USP34: variants seen among roughly 807,000 people sequenced by gnomAD.
USP34 encodes the protein ubiquitin specific peptidase 34.
A neutral mutation model predicts 460.3 loss-of-function variants in USP34; 70 were observed. The ratio of observed to expected loss-of-function variants is 0.15; its 90% CI spans 0.13 to 0.19. USP34 has a LOEUF of 0.19. USP34 is among the 10% of genes least tolerant of loss of function. The pLI is 1.00. For synonymous variants in USP34, 1,647 were observed against 1,405.3 expected, an observed-to-expected ratio of 1.17 and a Z score of -3.85; for missense variants, 3,985 against 4,236.2, an observed-to-expected ratio of 0.94 and a Z score of 1.65.
chr2:61,285,527 A>G (rs1229485600), intron 34 of USP34, among the ~76,000 whole-genome samples: 2 of 151,826 alleles, frequency 1.3e-5, no homozygotes, highest in African/African-American at 2.4e-5. Context: ...AAGAAAAAGA[A>G]AAGAAATTAC....
At chr2:61,323,871 C>T (rs146340785) in intron 21 of USP34, among the ~76,000 whole-genome samples, 138 of 152,150 alleles carry the variant, frequency 9.1e-4, no homozygotes, top group South Asian at 4.6e-3. Context: ...CGTAATAACA[C>T]GAAAGAGAAA....
chr2:61,390,187 C>T (rs1693299002), intron 5 of USP34, among the ~76,000 whole-genome samples: 1 of 152,194 alleles, frequency 6.6e-6, no homozygotes, highest in African/African-American at 2.4e-5. Context: ...TCCTCATTTG[C>T]ACTTCTTTCT....
At chr2:61,199,741 A>T (rs543402783) in intron 75 of USP34, among the ~76,000 whole-genome samples, 1 of 152,152 alleles carries the variant, frequency 6.6e-6, no homozygotes, top group Non-Finnish European at 1.5e-5. Flanking sequence ...TGTTGAGGCT[A>T]TTTACCCACT....
chr2:61,212,849 A>T (rs900125951), intron 68 of USP34, among the ~76,000 whole-genome samples: 4 of 152,220 alleles, frequency 2.6e-5, no homozygotes, highest in Non-Finnish European at 4.4e-5. Flanking sequence ...TGGACATCAC[A>T]TCTAGTAACT....
intron 62 of USP34, among the ~76,000 whole-genome samples, chr2:61,226,153 C>A (rs1043050809): frequency 2.0e-5 from 3 of 152,062 alleles, no homozygotes; most frequent in Non-Finnish European, 2.9e-5. Context: ...AGCAAAATCA[C>A]GAACAAAACA....
chr2:61,313,521 T>G (rs1470676871), intron 25 of USP34, among the ~76,000 whole-genome samples: 13 of 152,166 alleles, frequency 8.5e-5, no homozygotes, highest in Non-Finnish European at 1.9e-4. Flanking sequence ...TATAGCAGAC[T>G]TTCATTTTCT....
chr2:61,265,916 C>T (rs1284434723), intron 42 of USP34, 68 bp downstream of exon 42: 1 of 1,385,250 alleles, frequency 7.2e-7, no homozygotes, highest in Non-Finnish European at 9.7e-7. Context: ...TTTTGTTAAA[C>T]AGTGCCCTCA....
At chr2:61,330,593 C>T (rs1691230471) in intron 20 of USP34, among the ~76,000 whole-genome samples, 2 of 152,266 alleles carry the variant, frequency 1.3e-5, no homozygotes, top group Admixed American at 6.5e-5. Context: ...TCCTCCTCTT[C>T]TTCATTAATA....
At chr2:61,230,645 C>T (rs1019394522) in intron 58 of USP34, among the ~76,000 whole-genome samples, 15 of 152,026 alleles carry the variant, frequency 9.9e-5, no homozygotes, top group Non-Finnish European at 2.1e-4. Context: ...GAGTTTGAGA[C>T]CAGCCTGGCC....
Position 61,317,781 on chromosome 2 carries a change from G to C in USP34, c.3169-14C>G. 1 of 1,596,634 alleles carries C rather than the reference G, an allele frequency of 6.3e-7. No individual in the cohort carries two copies. Among genetic ancestry groups the C allele is most frequent in the Non-Finnish European group, 8.6e-7 (1 of 1,166,554 alleles). ...TAGCTGGGGCATCTTTGGAAGGGTAGGGGGAAACACAAAGCTAATTTAGTG... is the reference window on the plus strand; with the variant it reads ...TAGCTGGGGCATCTTTGGAAGGGTACGGGGAAACACAAAGCTAATTTAGTG... On this transcript the variant is annotated splice_polypyrimidine_tract_variant and intron_variant, in intron 22 of 79. Coordinates refer to ENST00000398571, the MANE Select transcript of USP34 (RefSeq NM_014709.4).
chr2:61,266,546 T>G (rs1689052230), intron 41 of USP34, among the ~76,000 whole-genome samples: 1 of 152,184 alleles, frequency 6.6e-6, no homozygotes, highest in African/African-American at 2.4e-5. Flanking sequence ...ATAGCAACAA[T>G]AACAGTGGCA....
rs1428465314 is a variant in USP34 at position 61,290,451 on chromosome 2, G to A, written c.4549-1574C>T. ...AAGCCACTCAAATGTCAATAGGTGA[G>A]CAGATAAATGAACCGTGGTATACCT... On this transcript the variant is annotated intron_variant, in intron 33 of 79. Transcript: ENST00000398571. Among the ~76,000 whole-genome samples the A allele has an allele frequency of 3.3e-5, 5 of 152,166 alleles. No homozygotes were observed. The East Asian group carries it at 9.6e-4, about 29-fold the overall frequency.
intron 43 of USP34, 85 bp from the exon 44 acceptor site, chr2:61,259,861 A>ACACTG: frequency 8.2e-7 from 1 of 1,220,162 alleles, no homozygotes; most frequent in Non-Finnish European, 1.2e-6. Context: ...CTTGCAATGT[A>ACACTG]CACTGTATCT....
Position 61,236,348 on chromosome 2 carries a change from G to A in USP34, c.6819C>T (p.Asn2273=), listed in dbSNP as rs1418589560. 5 of 1,604,812 alleles carry A rather than the reference G, an allele frequency of 3.1e-6. No individual in the cohort carries two copies. The highest frequency in any genetic ancestry group is 4.2e-6 in the Non-Finnish European group (5 of 1,176,478). Residue 2273 remains asparagine, a synonymous_variant, in exon 54 of 80, where the codon AAC becomes AAT. Coordinates refer to ENST00000398571, the MANE Select transcript of USP34 (RefSeq NM_014709.4). ...HDNMQFLQDK[N]IFEHTYFGFM... ...ACCCAAAATATGTATGTTCAAAAAT[G>A]TTTTTGTCTTGAAGAAACTGCATGT...
Position 61,189,932 on chromosome 2 carries a change from CATTA to C in USP34, c.9873+335_9873+338del, listed in dbSNP as rs140277677. 264 of 185,600 alleles carry C rather than the reference CATTA, an allele frequency of 1.4e-3. 4 individuals are homozygous for C. In the East Asian group the frequency reaches 0.032, roughly 23 times the overall value. The allele number at this position is 185,600 out of a possible 1,614,324, so 11.5% of individuals were successfully genotyped here. ...AACTGCCTTTTTTAAATCAGTAGAT[CATTA>C]ATTGTTTCAGTTACATAGGAGCCAT... On this transcript the variant is annotated intron_variant, in intron 78 of 79. Coordinates refer to ENST00000398571, the MANE Select transcript of USP34 (RefSeq NM_014709.4).
At chr2:61,397,867 C>G (rs1182642976) in intron 3 of USP34, among the ~76,000 whole-genome samples, 1 of 151,620 alleles carries the variant, frequency 6.6e-6, no homozygotes, top group Non-Finnish European at 1.5e-5. Flanking sequence ...CCACTGAACT[C>G]CAGTCTGGGT....
chr2:61,314,315 A>G (rs1690679970), intron 25 of USP34, among the ~76,000 whole-genome samples: 1 of 152,120 alleles, frequency 6.6e-6, no homozygotes, highest in South Asian at 2.1e-4. Flanking sequence ...TAGAGATGGA[A>G]TTCTGTCTAA....
chr2:61,224,288 C>T (rs1291600812), intron 62 of USP34, among the ~76,000 whole-genome samples: 1 of 152,178 alleles, frequency 6.6e-6, no homozygotes, highest in Non-Finnish European at 1.5e-5. Context: ...GTTTCTCTCA[C>T]ATTTACACTT....
chr2:61,345,128 C>G (rs1691725073), intron 15 of USP34, among the ~76,000 whole-genome samples: 1 of 151,910 alleles, frequency 6.6e-6, no homozygotes, highest in Non-Finnish European at 1.5e-5. Flanking sequence ...CAAAAATTAG[C>G]TGGGGCATGG....
Sources: gnomAD v4.1 joint callset for allele counts (sites outside exome capture counted in the v4.1 genomes callset) on GRCh38, gnomAD v4.1.1 for gene constraint, MANE v1.5 for transcripts, NCBI Gene and HGNC (gene_info 2026-07-23, HGNC 2026-07-21) for gene names.